The following OXCT1 variants were observed in gnomAD, a reference collection of about 807,000 sequenced individuals.
OXCT1 encodes the protein succinyl-CoA:3-ketoacid coenzyme A transferase 1, mitochondrial.
In OXCT1, 27 loss-of-function variants were observed where a neutral mutation model predicts 69.6. The observed-to-expected ratio is 0.39, with a 90% CI of 0.29 to 0.54. The LOEUF (loss-of-function observed/expected upper bound fraction) is 0.54. Ranked by LOEUF, OXCT1 falls within the 20% of genes least tolerant of loss-of-function variation. The pLI is 0.72. For synonymous variants in OXCT1, 202 were observed against 217.8 expected, an observed-to-expected ratio of 0.93 and a Z score of 0.64; for missense variants, 437 against 650.2, an observed-to-expected ratio of 0.67 and a Z score of 3.57.
At chr5:41,869,956 G>A (rs748397016) in intron 1 of OXCT1, 7 of 411,960 alleles carry the variant, frequency 1.7e-5, no homozygotes, top group Middle Eastern at 7.4e-4. Flanking sequence ...CCAAGGGCGG[G>A]TGCCAGGAGG....
At chr5:41,764,133 A>G (rs1744483032) in intron 13 of OXCT1, among the ~76,000 whole-genome samples, 1 of 152,154 alleles carries the variant, frequency 6.6e-6, no homozygotes, top group African/African-American at 2.4e-5. Context: ...ACATGTTACA[A>G]CCTTTAAAGC....
rs764963819 is a variant in OXCT1 at position 41,861,341 on chromosome 5, C to T, written c.251G>A (p.Gly84Glu). Residue 84 changes from glycine (G) to glutamate (E), a missense_variant, in exon 3 of 17, where the codon GGA becomes GAA. Coordinates refer to ENST00000196371, the MANE Select transcript of OXCT1 (RefSeq NM_000436.4). Reference sequence around the variant, plus strand: ...TGCATTGTTGCTGACTGCAGTTAGTCCTTTTACTCCAGTTTTCAGTAAAGC... The same window carrying T: ...TGCATTGTTGCTGACTGCAGTTAGTTCTTTTACTCCAGTTTTCAGTAAAGC... ...IDALLKTGVK[G>E]LTAVSNNAGV... 18 of 1,611,436 alleles carry T rather than the reference C, an allele frequency of 1.1e-5. No individual in the cohort carries two copies. In the South Asian group the frequency reaches 1.5e-4, roughly 14 times the overall value.
intron 15 of OXCT1, among the ~76,000 whole-genome samples, chr5:41,742,240 C>T (rs1295636495): frequency 2.0e-5 from 3 of 152,100 alleles, no homozygotes; most frequent in African/African-American, 7.2e-5. Flanking sequence ...AAAAAGGAAA[C>T]TTACTTTTGA....
chr5:41,731,635 T>A lies in OXCT1; in HGVS notation c.*94A>T, dbSNP rs886060635. 1.3e-6 allele frequency: 2 copies of A among 1,507,592 alleles called. No homozygotes were observed. The highest frequency in any genetic ancestry group is 2.8e-5 in the African/African-American group (2 of 71,996). 93.4% of individuals were successfully genotyped at this position (1,507,592 alleles called of 1,614,324 possible). On this transcript the variant is annotated 3_prime_UTR_variant, in exon 17 of 17. Coordinates refer to ENST00000196371, the MANE Select transcript of OXCT1 (RefSeq NM_000436.4). Reference sequence around the variant, plus strand: ...ACAAGAAAACTAATAAAAAACCACCTGTTAAATACACAATTATGATTATTG... The same window carrying A: ...ACAAGAAAACTAATAAAAAACCACCAGTTAAATACACAATTATGATTATTG...
rs78551871 is a variant in OXCT1 at position 41,827,539 on chromosome 5, C to T, written c.732+12912G>A. Among the ~76,000 whole-genome samples the T allele has an allele frequency of 6.0e-3, 908 of 152,226 alleles. 9 individuals are homozygous for T. Among genetic ancestry groups the T allele is most frequent in the African/African-American group, 0.02 (848 of 41,522 alleles). On this transcript the variant is annotated intron_variant, in intron 7 of 16. Coordinates refer to ENST00000196371, the MANE Select transcript of OXCT1 (RefSeq NM_000436.4). ...AAGTAATATCAAACACAAGATACTG[C>T]GGAAATGGTGCTCAAGTGTGAAGTT...
intron 7 of OXCT1, among the ~76,000 whole-genome samples, chr5:41,840,082 A>G (rs1425258239): frequency 6.6e-6 from 1 of 152,248 alleles, no homozygotes; most frequent in Non-Finnish European, 1.5e-5. Context: ...CACAAAATCT[A>G]TCACAGTAAG....
chr5:41,746,917 C>T (rs1743520783), intron 15 of OXCT1, among the ~76,000 whole-genome samples: 1 of 152,066 alleles, frequency 6.6e-6, no homozygotes, highest in African/African-American at 2.4e-5. Flanking sequence ...CAAGTTAGGT[C>T]GAGTCCATCT....
chr5:41,805,444 T>G, intron 9 of OXCT1, 123 bp downstream of exon 9: 1 of 677,586 alleles, frequency 1.5e-6, no homozygotes, highest in Non-Finnish European at 2.6e-6. Flanking sequence ...AAAAAATTGA[T>G]TAATTACCTT....
chr5:41,840,591 A>C, intron 6 of OXCT1, 80 bp from the exon 7 acceptor site: 1 of 821,664 alleles, frequency 1.2e-6, no homozygotes, highest in South Asian at 1.5e-5. Context: ...GGTTTTATAG[A>C]TTAGAATTTC....
At chr5:41,747,169 C>T (rs374619759) in intron 15 of OXCT1, among the ~76,000 whole-genome samples, 1 of 152,124 alleles carries the variant, frequency 6.6e-6, no homozygotes, top group South Asian at 2.1e-4. Flanking sequence ...AGCAAGACAT[C>T]TACATCCCTC....
rs1043749987 is a variant in OXCT1, at chr5:41,830,107, C to G, written c.732+10344G>C. On this transcript the variant is annotated intron_variant, in intron 7 of 16. Transcript: ENST00000196371. ...ATCAATTTTAAAAAGTCCAAAAGCACAAGTAAAATATTATAACTGAAAAAG... is the reference window on the plus strand; with the variant it reads ...ATCAATTTTAAAAAGTCCAAAAGCAGAAGTAAAATATTATAACTGAAAAAG... 2.2e-4 allele frequency among the ~76,000 whole-genome samples: 34 copies of G among 151,928 alleles called. 1 individual carries two copies. The highest frequency in any genetic ancestry group is 2.0e-3 in the Admixed American group (30 of 15,246).
chr5:41,861,871 G>A (rs1277751545), intron 2 of OXCT1, among the ~76,000 whole-genome samples: 1 of 152,162 alleles, frequency 6.6e-6, no homozygotes, highest in Non-Finnish European at 1.5e-5. Context: ...TTACTTGAAT[G>A]AGTGGAGATC....
intron 7 of OXCT1, among the ~76,000 whole-genome samples, chr5:41,831,242 C>A (rs1488146499): frequency 1.3e-5 from 2 of 152,210 alleles, no homozygotes; most frequent in East Asian, 3.8e-4. Context: ...GTTCTCCAAA[C>A]CACCAGGGAA....
chr5:41,756,621 T>C (rs1744086421), intron 14 of OXCT1, among the ~76,000 whole-genome samples: 1 of 152,134 alleles, frequency 6.6e-6, no homozygotes, highest in Admixed American at 6.6e-5. Context: ...CAAGTATGTA[T>C]TGAGCCATGA....
intron 11 of OXCT1, among the ~76,000 whole-genome samples, chr5:41,799,513 A>G (rs1746333398): frequency 6.6e-6 from 1 of 152,204 alleles, no homozygotes; most frequent in Non-Finnish European, 1.5e-5. Flanking sequence ...GGACTGAGCT[A>G]CTTCTAAGCT....
chr5:41,749,410 C>G, intron 15 of OXCT1, 117 bp downstream of exon 15: 1 of 668,622 alleles, frequency 1.5e-6, no homozygotes, highest in Non-Finnish European at 2.7e-6. Flanking sequence ...CCTATTCGTT[C>G]TGCCCACAGA....
intron 13 of OXCT1, among the ~76,000 whole-genome samples, chr5:41,776,244 A>G (rs1207317001): frequency 1.3e-5 from 2 of 152,194 alleles, no homozygotes; most frequent in African/African-American, 4.8e-5. Context: ...GTTACGAAAA[A>G]CAAGGAAAGA....
In OXCT1 at chr5:41,742,176, C is replaced by T. The variant is rs574184379; in HGVS notation, c.1420-2685G>A. Reference sequence around the variant, plus strand: ...ATTGCTTTTAAAAAAACCTTATTAACACATTTATCAAATCTTAATTAGATA... The same window carrying T: ...ATTGCTTTTAAAAAAACCTTATTAATACATTTATCAAATCTTAATTAGATA... On this transcript the variant is annotated intron_variant, in intron 15 of 16. Transcript: ENST00000196371. Among the ~76,000 whole-genome samples, 213 of 152,186 alleles carry T rather than the reference C, an allele frequency of 1.4e-3. 1 individual carries two copies. Among genetic ancestry groups the T allele is most frequent in the African/African-American group, 5.0e-3 (207 of 41,542 alleles).
intron 14 of OXCT1, among the ~76,000 whole-genome samples, chr5:41,757,698 T>G (rs958254269): frequency 1.3e-5 from 2 of 152,038 alleles, no homozygotes; most frequent in Admixed American, 1.3e-4. Flanking sequence ...ACCAGCAAAT[T>G]CATAAAACAT....
Sources: gnomAD v4.1 joint callset for allele counts (sites outside exome capture counted in the v4.1 genomes callset) on GRCh38, gnomAD v4.1.1 for gene constraint, MANE v1.5 for transcripts, NCBI Gene and HGNC (gene_info 2026-07-23, HGNC 2026-07-21) for gene names.